Variants in ZNF625 observed in about 807,000 individuals in gnomAD.
ZNF625 encodes zinc finger protein 625.
Under a neutral mutation model 11.1 loss-of-function variants are expected in ZNF625, and 8 were observed. That is an observed-to-expected ratio of 0.72 (90% CI 0.42 to 1.30). The LOEUF is 1.30. Among genes scored for constraint, ZNF625 ranks in the 50% most tolerant of loss-of-function variants. The pLI, the probability that ZNF625 is intolerant of heterozygous loss-of-function variation, is 0.01. For missense variants in ZNF625, 349 were observed against 447.6 expected, an observed-to-expected ratio of 0.78 and a Z score of 1.99; for synonymous variants, 145 against 153.4, an observed-to-expected ratio of 0.95 and a Z score of 0.41.
Position 12,156,566 on chromosome 19 carries a change from C to T in ZNF625, c.-8G>A, listed in dbSNP as rs1454694534. 2.8e-6 allele frequency: 4 copies of T among 1,416,086 alleles called. No homozygotes were observed. Among genetic ancestry groups the T allele is most frequent in the Middle Eastern group, 1.9e-4 (1 of 5,318 alleles). The allele number at this position is 1,416,086 out of a possible 1,614,324, so 87.7% of individuals were successfully genotyped here. A position where few individuals can be genotyped will look rare whatever the true frequency, so the allele number is the denominator to read the frequency against. On this transcript the variant is annotated 5_prime_UTR_variant, in exon 1 of 4. Coordinates refer to ENST00000439556, the MANE Select transcript of ZNF625 (RefSeq NM_145233.4). The stretch of plus-strand genomic sequence containing the variant: ...GCCCCGCACACTCACCATTTCCCGG[C>T]TTCCAGGTGTCCTGGCCTCCTCTCC...
intron 3 of ZNF625, among the ~76,000 whole-genome samples, 178 bp downstream of exon 3, chr19:12,147,217 T>A (rs967763545): frequency 6.6e-6 from 1 of 152,202 alleles, no homozygotes; most frequent in African/African-American, 2.4e-5. Context: ...TCCGCCTGCC[T>A]CAGCCTCCCA....
Position 12,146,022 on chromosome 19 carries a change from G to C in ZNF625, c.394C>G (p.Gln132Glu). ...HKPYEYQEYG[Q>E]KPYKCTYCKK... Reference sequence around the variant, plus strand: ...CAGTATGTACATTTATATGGCTTCTGTCCATATTCCTGATACTCATATGGC... The same window carrying C: ...CAGTATGTACATTTATATGGCTTCTCTCCATATTCCTGATACTCATATGGC... The change falls in exon 4 of 4, where the codon CAG becomes GAG. Residue 132 changes from glutamine (Q) to glutamate (E), a missense_variant. Physicochemically the swap from Gln to Glu is conservative, Grantham distance 29. Transcript: ENST00000439556. 6.2e-7 allele frequency: 1 copy of C among 1,614,162 alleles called. No homozygotes were observed. Among genetic ancestry groups the C allele is most frequent in the Non-Finnish European group, 8.5e-7 (1 of 1,180,040 alleles).
chr19:12,150,142 T>C (rs1276209598), intron 1 of ZNF625, among the ~76,000 whole-genome samples: 1 of 152,232 alleles, frequency 6.6e-6, no homozygotes, highest in East Asian at 1.9e-4. Context: ...ATGCAGCCAT[T>C]CATGGCTCTG....
chr19:12,148,815 G>A (rs1346866355), intron 1 of ZNF625, among the ~76,000 whole-genome samples: 1 of 151,110 alleles, frequency 6.6e-6, no homozygotes, highest in South Asian at 2.1e-4. Context: ...GTAGAGACAG[G>A]GTTTCACCGT....
chr19:12,146,259 CT>C, intron 3 of ZNF625, 35 bp from the exon 4 acceptor site: 1 of 1,563,576 alleles, frequency 6.4e-7, no homozygotes, highest in South Asian at 1.2e-5. Context: ...TAATGGGTTC[CT>C]TTATCACTGA....
intron 1 of ZNF625, among the ~76,000 whole-genome samples, chr19:12,154,251 G>A (rs529643286): frequency 2.6e-5 from 4 of 152,186 alleles, no homozygotes; most frequent in South Asian, 4.1e-4. Context: ...TCTTAAGCTG[G>A]AATGTCAAAT....
intron 2 of ZNF625, 74 bp from the exon 3 acceptor site, chr19:12,147,529 G>A: frequency 1.3e-6 from 2 of 1,513,656 alleles, no homozygotes; most frequent in Non-Finnish European, 1.8e-6. Flanking sequence ...TAAGTTCATG[G>A]TACACTGCAG....
intron 1 of ZNF625, among the ~76,000 whole-genome samples, chr19:12,149,579 TAA>T (rs2145611252): frequency 6.6e-6 from 1 of 152,212 alleles, no homozygotes; most frequent in African/African-American, 2.4e-5. Context: ...TGGTAAAATT[TAA>T]GTTTTTTACT....
In ZNF625 at chr19:12,146,126, G is replaced by A; in HGVS notation, c.290C>T (p.Pro97Leu). The change falls in exon 4 of 4, where the codon CCC becomes CTC. Residue 97 changes from proline to leucine, a missense_variant. Transcript: ENST00000439556. ...GACTTCTCCACATGATTTTACTCGG[G>A]GAGTTTTCTTCTTCAGCATGTCATC... ...VPDDMLKKKT[P>L]RVKSCGEVSV... The A allele has an allele frequency of 6.2e-7, 1 of 1,614,096 alleles. No individual in the cohort carries two copies.
chr19:12,147,044 G>A (rs1368555257), intron 3 of ZNF625, among the ~76,000 whole-genome samples: 1 of 150,284 alleles, frequency 6.7e-6, no homozygotes, highest in East Asian at 2.0e-4. Flanking sequence ...TCGGCTCACT[G>A]CAATCTCTGC....
intron 1 of ZNF625, among the ~76,000 whole-genome samples, chr19:12,151,175 CT>C (rs1976948934): frequency 6.6e-6 from 1 of 151,076 alleles, no homozygotes; most frequent in Non-Finnish European, 1.5e-5. Flanking sequence ...ATCTGCTCAG[CT>C]GCTAAGATCA....
At chr19:12,151,097 T>C (rs910554760) in intron 1 of ZNF625, among the ~76,000 whole-genome samples, 13 of 151,960 alleles carry the variant, frequency 8.6e-5, no homozygotes, top group South Asian at 4.1e-4. Context: ...ATTTCTTCTT[T>C]TTTTTTTTAA....
At chr19:12,154,730 T>C (rs1977003494) in intron 1 of ZNF625, among the ~76,000 whole-genome samples, 1 of 152,170 alleles carries the variant, frequency 6.6e-6, no homozygotes, top group Non-Finnish European at 1.5e-5. Flanking sequence ...CTTCAACCTG[T>C]AAACTAAAAA....
At chr19:12,156,498 C>A in intron 1 of ZNF625, 58 bp downstream of exon 1, 2 of 1,378,732 alleles carry the variant, frequency 1.5e-6, no homozygotes, top group Admixed American at 3.0e-5. Flanking sequence ...AGAGCCGGTT[C>A]GAGCCGGTTC....
At chr19:12,146,433 T>C (rs1976874512) in intron 3 of ZNF625, among the ~76,000 whole-genome samples, 1 of 152,074 alleles carries the variant, frequency 6.6e-6, no homozygotes, top group Non-Finnish European at 1.5e-5. Context: ...GGCTTCTTAG[T>C]ACTTTTTAAA....
rs934558893 is a variant in ZNF625 at position 12,146,970 on chromosome 19, A to ATTTT, written c.191+421_191+424dup. ...CACACTTAAATATATGTTTTTAGAG[A>ATTTT]TTTTTTTTTTTTTTGAGACGGAGTC... On this transcript the variant is annotated intron_variant, in intron 3 of 3. Coordinates refer to ENST00000439556, the MANE Select transcript of ZNF625 (RefSeq NM_145233.4). Among the ~76,000 whole-genome samples the ATTTT allele has an allele frequency of 6.9e-5, 9 of 130,820 alleles. 1 individual carries two copies. Among genetic ancestry groups the ATTTT allele is most frequent in the African/African-American group, 1.5e-4 (5 of 33,048 alleles). 85.8% of individuals were successfully genotyped at this position (130,820 alleles called of 152,430 possible). A position where few individuals can be genotyped will look rare whatever the true frequency, so the allele number is the denominator to read the frequency against.
At position 12,145,453 on chromosome 19, in the gene ZNF625, A is replaced by G. The variant is rs1310842459; in HGVS notation, c.963T>C (p.His321=). 2.5e-6 allele frequency: 4 copies of G among 1,614,018 alleles called. No homozygotes were observed. Among genetic ancestry groups the G allele is most frequent in the Non-Finnish European group, 3.4e-6 (4 of 1,179,998 alleles). The change falls in exon 4 of 4, where the codon CAT becomes CAC. Residue 321 remains histidine (H), a synonymous_variant. Coordinates refer to ENST00000439556, the MANE Select transcript of ZNF625 (RefSeq NM_145233.4). ...AFRSASHLRT[H]GRTHTGEKPY... is the part of the protein sequence containing the mutation. ...GTTTCTCTCCAGTGTGAGTCCTTCC[A>G]TGTGTTCGAAGGTGCGAGGCAGATC...
chr19:12,153,617 G>C (rs891421970), intron 1 of ZNF625, among the ~76,000 whole-genome samples: 7 of 150,046 alleles, frequency 4.7e-5, no homozygotes, highest in African/African-American at 1.7e-4. Context: ...CTGGGAGGGG[G>C]AGGTCGCAGT....
chr19:12,147,526 A>G (rs1303895370), intron 2 of ZNF625, 71 bp from the exon 3 acceptor site: 2 of 1,515,788 alleles, frequency 1.3e-6, no homozygotes, highest in Admixed American at 2.1e-5. Context: ...TTCTAAGTTC[A>G]TGGTACACTG....
Sources: allele counts gnomAD v4.1 joint callset (sites outside exome capture counted in the v4.1 genomes callset), GRCh38; gene constraint gnomAD v4.1.1; transcripts MANE v1.5; gene names NCBI Gene and HGNC (gene_info 2026-07-23, HGNC 2026-07-21).